The following RP1 variants were observed in gnomAD, a reference collection of about 807,000 sequenced individuals.
RP1 encodes RP1 axonemal microtubule associated.
Under a neutral mutation model 14.8 loss-of-function variants are expected in RP1, and 16 were observed. That is an observed-to-expected ratio of 1.08 (90% CI 0.73 to 1.65). The LOEUF (loss-of-function observed/expected upper bound fraction) is 1.65. RP1 is among the 40% of genes most tolerant of loss of function. The probability of loss-of-function intolerance (pLI) is 0.00; values close to 1 mark genes in which losing one functional copy is unlikely to be tolerated. For missense variants in RP1, 2,631 were observed against 2,535.0 expected (o/e 1.04, Z -0.81); for synonymous variants, 876 against 883.6 (o/e 0.99, Z 0.15).
chr8:54,604,398 A>G (rs965808990), intron 1 of RP1, among the ~76,000 whole-genome samples: 6 of 152,184 alleles, frequency 3.9e-5, no homozygotes, highest in African/African-American at 1.2e-4. Context: ...CCACTTGATC[A>G]TGGTGGATAA....
intron 15 of RP1, among the ~76,000 whole-genome samples, chr8:54,715,362 G>A (rs937871797): frequency 1.3e-5 from 2 of 152,142 alleles, no homozygotes; most frequent in Admixed American, 1.3e-4. Flanking sequence ...ATTTGAGTTA[G>A]GGATGAAGCA....
intron 6 of RP1, among the ~76,000 whole-genome samples, chr8:54,659,678 A>G (rs1416206453): frequency 2.0e-5 from 3 of 152,156 alleles, no homozygotes; most frequent in African/African-American, 7.2e-5. Flanking sequence ...AACTTTGATC[A>G]TTTCAAGATT....
At chr8:54,705,048 A>G (rs930869147) in intron 14 of RP1, among the ~76,000 whole-genome samples, 6 of 152,136 alleles carry the variant, frequency 3.9e-5, no homozygotes, top group African/African-American at 1.4e-4. Context: ...TGCCAAATTT[A>G]TTTCTTCAGA....
At chr8:54,783,672 C>T (rs1191239786) in exon 24 of RP1, 1 of 1,231,366 alleles carries the variant, frequency 8.1e-7, no homozygotes, top group East Asian at 3.2e-5. Flanking sequence ...ATCTGGGAAA[C>T]ACCAGCTGTT....
intron 13 of RP1, among the ~76,000 whole-genome samples, chr8:54,700,970 C>T (rs1295473313): frequency 3.9e-5 from 6 of 152,176 alleles, no homozygotes; most frequent in African/African-American, 9.7e-5. Flanking sequence ...GAGGCACCAA[C>T]GACTTTTCCT....
chr8:54,826,578 T>G (rs1811389463), intron 24 of RP1, among the ~76,000 whole-genome samples: 1 of 148,302 alleles, frequency 6.7e-6, no homozygotes, highest in African/African-American at 2.5e-5. Flanking sequence ...AAGTTTAAAC[T>G]CCTATGAAAA....
chr8:54,584,901 C>T (rs185028559), intron 1 of RP1, among the ~76,000 whole-genome samples: 5 of 152,180 alleles, frequency 3.3e-5, no homozygotes, highest in Non-Finnish European at 5.9e-5. Context: ...TGTCTCTGCA[C>T]GTGAGATGGG....
chr8:54,561,381 G>C (rs1286551024), intron 1 of RP1, among the ~76,000 whole-genome samples: 2 of 152,060 alleles, frequency 1.3e-5, no homozygotes, highest in Non-Finnish European at 2.9e-5. Context: ...ACTTGTCATC[G>C]ACTCCACAGC....
rs185708741 is a variant in RP1, at chr8:54,823,518, C to T, written c.3616-13932C>T. Among the ~76,000 whole-genome samples, 44 of 152,086 alleles carry T rather than the reference C, an allele frequency of 2.9e-4. No individual in the cohort carries two copies. The East Asian group carries it at 6.0e-3, about 21-fold the overall frequency. ...CTAATTTTTGTGTTTTTAGTAGAGA[C>T]GGGGTTTCACCATGTTGACCTGGCT... On this transcript the variant is annotated intron_variant, in intron 24 of 28. Transcript: ENST00000637698.
chr8:54,612,998 T>C (rs574483973), upstream of RP1, among the ~76,000 whole-genome samples: 11 of 152,356 alleles, frequency 7.2e-5, no homozygotes, highest in Non-Finnish European at 1.3e-4. Flanking sequence ...TTGCTTTTTT[T>C]ATTCATAGTT....
intron 8 of RP1, among the ~76,000 whole-genome samples, chr8:54,674,247 G>T (rs1396078175): frequency 6.6e-6 from 1 of 152,098 alleles, no homozygotes; most frequent in African/African-American, 2.4e-5. Flanking sequence ...AGTTAGTGGT[G>T]GAGGCAGCAG....
At chr8:54,658,763 C>T (rs1806813538) in intron 6 of RP1, among the ~76,000 whole-genome samples, 1 of 152,076 alleles carries the variant, frequency 6.6e-6, no homozygotes, top group African/African-American at 2.4e-5. Flanking sequence ...AATGGGGTTG[C>T]TGAATTATAT....
At chr8:54,773,727 GA>G (rs1170990099), downstream of RP1, among the ~76,000 whole-genome samples, 2 of 152,160 alleles carry the variant, frequency 1.3e-5, no homozygotes, top group Non-Finnish European at 2.9e-5. Flanking sequence ...GTTAGTAAAT[GA>G]AAGAACTGAT....
intron 12 of RP1, among the ~76,000 whole-genome samples, chr8:54,684,178 G>C (rs1807500516): frequency 6.6e-6 from 1 of 152,040 alleles, no homozygotes; most frequent in African/African-American, 2.4e-5. Flanking sequence ...GATCGTGATG[G>C]ATAAGCTTTT....
intron 5 of RP1, among the ~76,000 whole-genome samples, chr8:54,653,916 T>G (rs533391628): frequency 6.8e-4 from 103 of 152,312 alleles, no homozygotes; most frequent in African/African-American, 2.3e-3. Flanking sequence ...TGCCATTTCA[T>G]TTGATAGCCA....
At chr8:54,739,718 TAC>T (rs1809024343) in intron 19 of RP1, among the ~76,000 whole-genome samples, 1 of 152,044 alleles carries the variant, frequency 6.6e-6, no homozygotes, top group African/African-American at 2.4e-5. Context: ...TATAGATACA[TAC>T]ACACACACAT....
intron 24 of RP1, among the ~76,000 whole-genome samples, chr8:54,802,229 TAAAGGTA>T (rs1810731196): frequency 6.6e-6 from 1 of 152,158 alleles, no homozygotes; most frequent in South Asian, 2.1e-4. Context: ...TTCTAAATAG[TAAAGGTA>T]AAAATAGCCT....
intron 1 of RP1, among the ~76,000 whole-genome samples, chr8:54,584,467 T>G (rs1281778448): frequency 1.3e-5 from 2 of 152,224 alleles, no homozygotes; most frequent in African/African-American, 4.8e-5. Context: ...CTGAAAAGAA[T>G]GTATATTCTA....
intron 1 of RP1, among the ~76,000 whole-genome samples, chr8:54,596,421 G>T (rs1453299682): frequency 6.6e-6 from 1 of 152,034 alleles, no homozygotes; most frequent in African/African-American, 2.4e-5. Flanking sequence ...GCTATCCCAT[G>T]ACTCAAATTA....
Sources: allele counts gnomAD v4.1 joint callset (sites outside exome capture counted in the v4.1 genomes callset), GRCh38; gene constraint gnomAD v4.1.1; transcripts MANE v1.5; gene names NCBI Gene and HGNC (gene_info 2026-07-23, HGNC 2026-07-21).